The following BORCS5 variants were observed in gnomAD, a reference collection of about 807,000 sequenced individuals.
The protein encoded by BORCS5 is BLOC-1 related complex subunit 5.
Under a neutral mutation model 22.1 loss-of-function variants are expected in BORCS5, and 17 were observed. That is an observed-to-expected ratio of 0.77 (90% CI 0.53 to 1.15). BORCS5 has a LOEUF of 1.15. BORCS5 is among the 50% of genes most tolerant of loss of function. The pLI, the probability that BORCS5 is intolerant of heterozygous loss-of-function variation, is 0.00. For missense variants in BORCS5, 247 were observed against 253.2 expected, an observed-to-expected ratio of 0.98 and a Z score of 0.17; for synonymous variants, 117 against 99.8, an observed-to-expected ratio of 1.17 and a Z score of -1.03.
At chr12:12,401,594 T>G (rs1239643302) in intron 2 of BORCS5, among the ~76,000 whole-genome samples, 1 of 152,140 alleles carries the variant, frequency 6.6e-6, no homozygotes, top group East Asian at 1.9e-4. Flanking sequence ...AAAAGAAAAT[T>G]AAAAATTCTA....
Position 12,469,373 on chromosome 12 carries a change from G to T in BORCS5, c.*3597G>T, listed in dbSNP as rs569940714. Reference sequence around the variant, plus strand: ...CTCCGTTTAGAAATGAGTTTAGTCTGGGAGAATCTGCTTTTTGAGTAAAAA... The same window carrying T: ...CTCCGTTTAGAAATGAGTTTAGTCTTGGAGAATCTGCTTTTTGAGTAAAAA... On this transcript the variant is annotated 3_prime_UTR_variant, in exon 4 of 4. Transcript: ENST00000314565. The T allele has an allele frequency of 6.6e-6, 1 of 152,184 alleles. No individual in the cohort carries two copies. The highest frequency in any genetic ancestry group is 1.5e-5 in the Non-Finnish European group (1 of 68,034). The allele number at this position is 152,184 out of a possible 1,614,324, so 9.4% of individuals were successfully genotyped here.
intron 2 of BORCS5, among the ~76,000 whole-genome samples, chr12:12,413,411 C>T (rs1941797868): frequency 6.9e-6 from 1 of 145,070 alleles, no homozygotes; most frequent in Non-Finnish European, 1.5e-5. Context: ...GGTCACAGAT[C>T]AACAGGATCC....
chr12:12,395,311 C>T (rs1941307614), intron 2 of BORCS5, among the ~76,000 whole-genome samples: 1 of 151,760 alleles, frequency 6.6e-6, no homozygotes, highest in South Asian at 2.1e-4. Flanking sequence ...TCTCTGTCAC[C>T]CAGGCTGGAG....
chr12:12,397,161 T>C (rs985777798), intron 2 of BORCS5, among the ~76,000 whole-genome samples: 1 of 152,146 alleles, frequency 6.6e-6, no homozygotes, highest in Non-Finnish European at 1.5e-5. Flanking sequence ...ACCTTATATC[T>C]TTGAGAACTT....
intron 2 of BORCS5, among the ~76,000 whole-genome samples, chr12:12,398,124 G>C (rs1236515230): frequency 6.6e-6 from 1 of 152,164 alleles, no homozygotes; most frequent in African/African-American, 2.4e-5. Context: ...TGTTTCAGAA[G>C]ATGCACTAAT....
chr12:12,403,891 ATT>A (rs1179252847), intron 2 of BORCS5, among the ~76,000 whole-genome samples: 1 of 152,078 alleles, frequency 6.6e-6, no homozygotes, highest in Non-Finnish European at 1.5e-5. Flanking sequence ...TATATTGTGT[ATT>A]TTTTCCTAGT....
chr12:12,427,596 G>A (rs1175098273), intron 2 of BORCS5, among the ~76,000 whole-genome samples: 3 of 152,132 alleles, frequency 2.0e-5, no homozygotes, highest in Non-Finnish European at 4.4e-5. Context: ...CAATAGACTC[G>A]AAAATTTCTT....
chr12:12,447,509 C>T (rs1380135917), intron 3 of BORCS5, among the ~76,000 whole-genome samples: 2 of 152,334 alleles, frequency 1.3e-5, no homozygotes, highest in Admixed American at 6.5e-5. Context: ...CCTGATGTCC[C>T]GAGCAGCCAT....
In BORCS5 at chr12:12,467,063, G is replaced by A. The variant is rs750869236; in HGVS notation, c.*1287G>A. On this transcript the variant is annotated 3_prime_UTR_variant, in exon 4 of 4. Transcript: ENST00000314565. ...CACGCCTCAGACTCCTGAGTAGCTG[G>A]GATTACAGGTGTGTGCCACCAAATC... 7.2e-5 allele frequency: 11 copies of A among 151,830 alleles called. No homozygotes were observed. The highest frequency in any genetic ancestry group is 1.3e-4 in the Non-Finnish European group (9 of 67,950). The allele number at this position is 151,830 out of a possible 1,614,324, so 9.4% of individuals were successfully genotyped here.
intron 3 of BORCS5, among the ~76,000 whole-genome samples, chr12:12,445,658 G>A (rs1942773873): frequency 6.7e-6 from 1 of 149,574 alleles, no homozygotes; most frequent in Admixed American, 6.7e-5. Context: ...TTTACAGAGA[G>A]TGTCTTGTTC....
intron 2 of BORCS5, among the ~76,000 whole-genome samples, chr12:12,379,121 T>TC (rs1293670202): frequency 6.6e-6 from 1 of 150,524 alleles, no homozygotes; most frequent in East Asian, 1.9e-4. Context: ...TTTTCTCTTT[T>TC]TTTTTTTTCT....
intron 2 of BORCS5, among the ~76,000 whole-genome samples, chr12:12,434,085 C>A (rs145886844): frequency 1.3e-5 from 2 of 151,770 alleles, no homozygotes. Flanking sequence ...CCCAGAAGTT[C>A]GAGACCAACC....
chr12:12,395,655 A>T (rs1941320163), intron 2 of BORCS5, among the ~76,000 whole-genome samples: 2 of 151,952 alleles, frequency 1.3e-5, no homozygotes, highest in Admixed American at 1.3e-4. Flanking sequence ...TTTGAAGTTG[A>T]TGCCATAAGA....
At chr12:12,358,989 G>A (rs1396277865) in intron 1 of BORCS5, among the ~76,000 whole-genome samples, 1 of 152,160 alleles carries the variant, frequency 6.6e-6, no homozygotes, top group East Asian at 1.9e-4. Flanking sequence ...TAACCTTTGA[G>A]ATATGACTAT....
chr12:12,381,407 G>A lies in BORCS5; in HGVS notation c.202+20058G>A, dbSNP rs541058854. On this transcript the variant is annotated intron_variant, in intron 2 of 3. Coordinates refer to ENST00000314565, the MANE Select transcript of BORCS5 (RefSeq NM_058169.6). ...TAAAGGTCTAAGTTCATTTTGCTTT[G>A]TTTGTTTGCTTGTGGTATCCAGTTG... Among the ~76,000 whole-genome samples the A allele has an allele frequency of 4.0e-5, 6 of 151,416 alleles. 1 individual carries two copies. Among genetic ancestry groups the A allele is most frequent in the Admixed American group, 2.6e-4 (4 of 15,190 alleles).
intron 2 of BORCS5, among the ~76,000 whole-genome samples, chr12:12,418,530 T>C (rs540273505): frequency 6.6e-6 from 1 of 151,976 alleles, no homozygotes; most frequent in Non-Finnish European, 1.5e-5. Context: ...TACAAAAAAA[T>C]TTAAAAATTA....
chr12:12,429,687 G>T (rs1231163563), intron 2 of BORCS5, among the ~76,000 whole-genome samples: 2 of 152,076 alleles, frequency 1.3e-5, no homozygotes, highest in Non-Finnish European at 2.9e-5. Context: ...TACTTCCCTC[G>T]TTTCCCTCAC....
At chr12:12,381,452 A>G (rs1254307049) in intron 2 of BORCS5, among the ~76,000 whole-genome samples, 2 of 151,138 alleles carry the variant, frequency 1.3e-5, no homozygotes, top group Non-Finnish European at 3.0e-5. Flanking sequence ...CATATGTTGA[A>G]AAGATTGTGT....
At chr12:12,401,602 C>G (rs1941478178) in intron 2 of BORCS5, among the ~76,000 whole-genome samples, 1 of 151,932 alleles carries the variant, frequency 6.6e-6, no homozygotes, top group Admixed American at 6.6e-5. Flanking sequence ...ATTAAAAATT[C>G]TACCTAGACA....
Sources: allele counts gnomAD v4.1 joint callset (sites outside exome capture counted in the v4.1 genomes callset), GRCh38; gene constraint gnomAD v4.1.1; transcripts MANE v1.5; gene names NCBI Gene and HGNC (gene_info 2026-07-23, HGNC 2026-07-21).